PHF12: variants seen among roughly 807,000 people sequenced by gnomAD.
The protein encoded by PHF12 is PHD factor 1.
A neutral mutation model predicts 99.8 loss-of-function variants in PHF12; 6 were observed. The observed-to-expected ratio is 0.06, with a 90% confidence interval of 0.03 to 0.12. PHF12 has a LOEUF of 0.12. Ranked by LOEUF, PHF12 falls within the 10% of genes least tolerant of loss-of-function variation. PHF12 has a pLI of 1.00. For missense variants in PHF12, 954 were observed against 1,300.1 expected (o/e 0.73, Z 4.09); for synonymous variants, 480 against 514.9 (o/e 0.93, Z 0.92).
At position 28,951,122 on chromosome 17, in the gene PHF12, T is replaced by G; in HGVS notation, c.-162A>C. ...CTCCCCCCCACCCCCCGGCCCCCAG[T>G]CCCCGGGACGACAGCGTCCTCCCGA... On this transcript the variant is annotated 5_prime_UTR_variant, in exon 1 of 15. Transcript: ENST00000332830. 1 of 1,434,164 alleles carries G rather than the reference T, an allele frequency of 7.0e-7. No homozygotes were observed. The highest frequency in any genetic ancestry group is 2.6e-5 in the East Asian group (1 of 39,114). 88.8% of individuals were successfully genotyped at this position (1,434,164 alleles called of 1,614,324 possible). A position where few individuals can be genotyped will look rare whatever the true frequency, so the allele number is the denominator to read the frequency against.
In PHF12 at chr17:28,923,651, C is replaced by CAAAAAAAAAAAAAAAAAAAAAAAAAA. The variant is rs1491183033; in HGVS notation, c.715+257_715+258insTTTTTTTTTTTTTTTTTTTTTTTTTT. 2.2e-3 allele frequency among the ~76,000 whole-genome samples: 48 copies of CAAAAAAAAAAAAAAAAAAAAAAAAAA among 21,968 alleles called. 5 individuals are homozygous for CAAAAAAAAAAAAAAAAAAAAAAAAAA. Among genetic ancestry groups the CAAAAAAAAAAAAAAAAAAAAAAAAAA allele is most frequent in the Admixed American group, 4.0e-3 (6 of 1,514 alleles). 14.4% of individuals were successfully genotyped at this position (21,968 alleles called of 152,430 possible). ...CTAGCCTGAGTGACAAAGTGAGACT[C>CAAAAAAAAAAAAAAAAAAAAAAAAAA]ACAAAAAAAAAAAAAAAAAAAAAAG... On this transcript the variant is annotated intron_variant, in intron 4 of 14. Transcript: ENST00000332830.
intron 2 of PHF12, chr17:28,944,623 G>T: frequency 1.8e-6 from 1 of 548,142 alleles, no homozygotes; most frequent in Non-Finnish European, 2.3e-6. Context: ...CTCTAGCCTG[G>T]GCAACAGAGT....
At chr17:28,937,839 TG>T (rs1411086340) in intron 2 of PHF12, among the ~76,000 whole-genome samples, 3 of 152,214 alleles carry the variant, frequency 2.0e-5, no homozygotes, top group African/African-American at 7.2e-5. Context: ...AAAGATGGGC[TG>T]GGGTGCAAAC....
rs2075791133 is a variant in PHF12 at position 28,926,711 on chromosome 17, T to C, written c.321+280A>G. On this transcript the variant is annotated intron_variant, in intron 3 of 14. Transcript: ENST00000332830. The stretch of plus-strand genomic sequence containing the variant: ...TTCAGCCATGGATAAGGCCACTTAT[T>C]AGGAGGACAACAAGAAGGTAAGACT... 11 of 1,245,564 alleles carry C rather than the reference T, an allele frequency of 8.8e-6. No homozygotes were observed. In the South Asian group the frequency reaches 1.4e-4, roughly 16 times the overall value. 77.2% of individuals were successfully genotyped at this position (1,245,564 alleles called of 1,614,324 possible).
In PHF12 at chr17:28,906,697, T is replaced by C; in HGVS notation, c.2680+159A>G. 1 of 1,230,598 alleles carries C rather than the reference T, an allele frequency of 8.1e-7. No individual in the cohort carries two copies. Among genetic ancestry groups the C allele is most frequent in the Non-Finnish European group, 1.1e-6 (1 of 893,406 alleles). The allele number at this position is 1,230,598 out of a possible 1,614,324, so 76.2% of individuals were successfully genotyped here. A position where few individuals can be genotyped will look rare whatever the true frequency, so the allele number is the denominator to read the frequency against. Reference sequence around the variant, plus strand: ...CCACAGGTGTGTACACACATGGGGGTACTCAGCACTTGCTTCTCTGTGGCC... The same window carrying C: ...CCACAGGTGTGTACACACATGGGGGCACTCAGCACTTGCTTCTCTGTGGCC... On this transcript the variant is annotated intron_variant, in intron 14 of 14. Coordinates refer to ENST00000332830, the MANE Select transcript of PHF12 (RefSeq NM_001033561.2). This position sits in a 1 kb window ranked among gnomAD's most constrained non-coding sequence, Gnocchi z 4.2.
chr17:28,939,783 A>G (rs2040580272), intron 2 of PHF12, among the ~76,000 whole-genome samples: 1 of 152,222 alleles, frequency 6.6e-6, no homozygotes, highest in Admixed American at 6.5e-5. Flanking sequence ...GCTGCCACAA[A>G]CAGGGGTCCA....
intron 12 of PHF12, 107 bp from the exon 13 acceptor site, chr17:28,907,779 G>T: frequency 1.0e-6 from 1 of 995,548 alleles, no homozygotes; most frequent in Non-Finnish European, 1.6e-6. Context: ...GTTGGCACTA[G>T]CAGAGACTTC....
chr17:28,949,675 A>C lies in PHF12; in HGVS notation c.248+390T>G. 5.8e-6 allele frequency: 1 copy of C among 171,346 alleles called. No individual in the cohort carries two copies. The highest frequency in any genetic ancestry group is 1.2e-5 in the Non-Finnish European group (1 of 80,436). The allele number at this position is 171,346 out of a possible 1,614,324, so 10.6% of individuals were successfully genotyped here. A position where few individuals can be genotyped will look rare whatever the true frequency, so the allele number is the denominator to read the frequency against. On this transcript the variant is annotated intron_variant, in intron 2 of 14. Coordinates refer to ENST00000332830, the MANE Select transcript of PHF12 (RefSeq NM_001033561.2). This position sits in a 1 kb window ranked among gnomAD's most constrained non-coding sequence, Gnocchi z 4.6. ...AGGGCTCCACGCACCCACCCCGAGG[A>C]GATCCCGGCCGGGCAGGAGCCCCGA... is the stretch of plus-strand genomic sequence containing the variant.
At chr17:28,948,495 A>G (rs1187174124) in intron 2 of PHF12, among the ~76,000 whole-genome samples, 1 of 152,240 alleles carries the variant, frequency 6.6e-6, no homozygotes, top group African/African-American at 2.4e-5. Flanking sequence ...AACTTCCTCT[A>G]CGATAATCAT....
intron 12 of PHF12, chr17:28,907,919 G>A (rs2039898755): frequency 2.6e-6 from 1 of 387,606 alleles, no homozygotes; most frequent in South Asian, 2.6e-5. Flanking sequence ...CTACCCAGAA[G>A]GGAAGAGTGA....
At chr17:28,927,676 G>A (rs1276665087) in intron 2 of PHF12, 1 of 152,558 alleles carries the variant, frequency 6.6e-6, no homozygotes, top group East Asian at 1.9e-4. Context: ...ATGCAGCAGA[G>A]GTGACAATGT....
intron 6 of PHF12, among the ~76,000 whole-genome samples, chr17:28,918,819 C>T (rs2040106440): frequency 6.6e-6 from 1 of 152,156 alleles, no homozygotes; most frequent in African/African-American, 2.4e-5. Context: ...CCCAGACAGC[C>T]AACGATTTAT....
rs569281557 is a variant in PHF12 at position 28,911,800 on chromosome 17, T to C, written c.2090-563A>G. Among the ~76,000 whole-genome samples, 15 of 152,078 alleles carry C rather than the reference T, an allele frequency of 9.9e-5. 1 individual carries two copies. In the South Asian group the frequency reaches 2.1e-3, roughly 21 times the overall value. ...GGTTCCGGCAGCATCTGAAACCTGG[T>C]TCAGATGCTGGGGTCAGCAACTTCA... On this transcript the variant is annotated intron_variant, in intron 9 of 14. Transcript: ENST00000332830.
chr17:28,933,669 T>G (rs527792600), intron 2 of PHF12, among the ~76,000 whole-genome samples: 11 of 152,184 alleles, frequency 7.2e-5, no homozygotes, highest in Non-Finnish European at 1.6e-4. Context: ...CAATATTTAT[T>G]GAGTACCCAT....
At chr17:28,948,962 T>C (rs1189145707) in intron 2 of PHF12, among the ~76,000 whole-genome samples, 1 of 152,070 alleles carries the variant, frequency 6.6e-6, no homozygotes, top group East Asian at 1.9e-4. Flanking sequence ...AGAGGTGATT[T>C]CGGCCGGCAG....
intron 7 of PHF12, among the ~76,000 whole-genome samples, chr17:28,916,545 A>C (rs948396533): frequency 1.3e-5 from 2 of 152,214 alleles, no homozygotes; most frequent in Admixed American, 6.5e-5. Flanking sequence ...CATACTTGAG[A>C]AGTGCTGGTT....
chr17:28,944,098 T>A (rs191524881), intron 2 of PHF12, among the ~76,000 whole-genome samples: 2 of 152,376 alleles, frequency 1.3e-5, no homozygotes, highest in East Asian at 3.9e-4. Flanking sequence ...ATCTCCAGAT[T>A]CAAATGAAAG....
intron 7 of PHF12, among the ~76,000 whole-genome samples, chr17:28,916,928 C>A (rs2040072785): frequency 6.6e-6 from 1 of 152,202 alleles, no homozygotes. Context: ...ATCATCCCCA[C>A]CTTTACTTTG....
Position 28,923,653 on chromosome 17 carries a change from CAAA to C in PHF12, c.715+253_715+255del, listed in dbSNP as rs35263191. Among the ~76,000 whole-genome samples the C allele has an allele frequency of 7.2e-3, 311 of 43,476 alleles. 1 individual carries two copies. Among genetic ancestry groups the C allele is most frequent in the African/African-American group, 0.027 (279 of 10,370 alleles). 28.5% of individuals were successfully genotyped at this position (43,476 alleles called of 152,430 possible). On this transcript the variant is annotated intron_variant, in intron 4 of 14. Transcript: ENST00000332830. ...AGCCTGAGTGACAAAGTGAGACTCA[CAAA>C]AAAAAAAAAAAAAAAAAAAGGAAAA...
Sources: gnomAD v4.1 joint callset for allele counts (sites outside exome capture counted in the v4.1 genomes callset) on GRCh38, gnomAD v4.1.1 for gene constraint, Gnocchi (gnomAD v3.1) non-coding constraint, MANE v1.5 for transcripts, NCBI Gene and HGNC (gene_info 2026-07-23, HGNC 2026-07-21) for gene names.